The following CWC15 variants were observed in gnomAD, a reference collection of about 807,000 sequenced individuals.
CWC15 encodes the protein CWC15 spliceosome associated protein, also known as spliceosome-associated protein CWC15 homolog.
CWC15 carries 12 observed loss-of-function variants against 28.4 expected under a neutral mutation model. The observed-to-expected ratio is 0.42, with a 90% confidence interval of 0.27 to 0.69. The LOEUF is 0.69. Ranked by LOEUF, CWC15 falls within the 30% of genes least tolerant of loss-of-function variation. The probability of loss-of-function intolerance (pLI) is 0.23; values close to 1 mark genes in which losing one functional copy is unlikely to be tolerated. For missense variants in CWC15, 192 were observed against 271.5 expected, an observed-to-expected ratio of 0.71 and a Z score of 2.06; for synonymous variants, 92 against 88.4, an observed-to-expected ratio of 1.04 and a Z score of -0.23.
intron 5 of CWC15, among the ~76,000 whole-genome samples, chr11:94,967,558 A>G (rs1483874168): frequency 1.3e-5 from 2 of 152,258 alleles, no homozygotes; most frequent in African/African-American, 4.8e-5. Context: ...ACAGAAATTG[A>G]TGACTTAATA....
chr11:94,966,677 A>C (rs1590957911), intron 5 of CWC15, among the ~76,000 whole-genome samples: 1 of 152,054 alleles, frequency 6.6e-6, no homozygotes, highest in South Asian at 2.1e-4. Flanking sequence ...CCAACTGTGA[A>C]ATGCTACAGA....
intron 5 of CWC15, 106 bp from the exon 6 acceptor site, chr11:94,966,519 T>C (rs1156629746): frequency 3.1e-6 from 2 of 650,504 alleles, no homozygotes; most frequent in Non-Finnish European, 4.8e-6. Flanking sequence ...ATTAGGATTT[T>C]ATGGCAACAA....
intron 2 of CWC15, 116 bp from the exon 3 acceptor site, chr11:94,971,603 AAAG>A: frequency 1.6e-6 from 1 of 627,736 alleles, no homozygotes; most frequent in Non-Finnish European, 2.7e-6. Flanking sequence ...CAAGCAGAAA[AAAG>A]GGAAGTAGAC....
chr11:94,969,864 T>G, intron 5 of CWC15, 125 bp downstream of exon 5: 1 of 481,854 alleles, frequency 2.1e-6, no homozygotes, highest in Non-Finnish European at 3.6e-6. Context: ...GATCTACAAG[T>G]GCTATAATAT....
rs7930127 is a variant in CWC15 at position 94,970,264 on chromosome 11, A to G, written c.334-168T>C. ...TCAAAAGTGCAAAAAAGTGTGCTAA[A>G]TTCTCAGAAGAAAATAATTTCAAAT... is the stretch of plus-strand genomic sequence containing the variant. On this transcript the variant is annotated intron_variant, in intron 4 of 6. Transcript: ENST00000279839. 7.9e-3 allele frequency: 3,282 copies of G among 413,150 alleles called. 90 individuals are homozygous for G. The highest frequency in any genetic ancestry group is 0.06 in the African/African-American group (2,948 of 48,736). 25.6% of individuals were successfully genotyped at this position (413,150 alleles called of 1,614,324 possible).
intron 1 of CWC15, among the ~76,000 whole-genome samples, chr11:94,972,712 G>A (rs776072241): frequency 6.6e-6 from 1 of 152,142 alleles, no homozygotes; most frequent in African/African-American, 2.4e-5. Flanking sequence ...CACTGACAAA[G>A]TTACTAAATG....
At chr11:94,971,861 T>C (rs1281032657) in intron 2 of CWC15, among the ~76,000 whole-genome samples, 194 bp downstream of exon 2, 2 of 152,244 alleles carry the variant, frequency 1.3e-5, no homozygotes, top group Non-Finnish European at 2.9e-5. Context: ...TCTATCTACA[T>C]ATGAAAATTC....
intron 1 of CWC15, among the ~76,000 whole-genome samples, chr11:94,972,840 T>C (rs1857743179): frequency 6.6e-6 from 1 of 152,180 alleles, no homozygotes; most frequent in Non-Finnish European, 1.5e-5. Flanking sequence ...TTAGATCGTT[T>C]GTGGGTTATA....
At chr11:94,964,893 G>C (rs1857616743) in intron 6 of CWC15, among the ~76,000 whole-genome samples, 1 of 152,210 alleles carries the variant, frequency 6.6e-6, no homozygotes, top group South Asian at 2.1e-4. Flanking sequence ...CCCTTCCCTA[G>C]GTGACTTCAT....
chr11:94,967,458 C>G (rs1857661930), intron 5 of CWC15, among the ~76,000 whole-genome samples: 1 of 152,170 alleles, frequency 6.6e-6, no homozygotes, highest in Non-Finnish European at 1.5e-5. Context: ...TATAAAATGT[C>G]TAAAATCCTT....
intron 6 of CWC15, 69 bp downstream of exon 6, chr11:94,966,226 T>TGTAC: frequency 1.5e-6 from 1 of 669,472 alleles, no homozygotes; most frequent in Non-Finnish European, 2.6e-6. Flanking sequence ...CATACACATA[T>TGTAC]ACACACACAC....
chr11:94,970,735 T>C (rs1189347431), intron 4 of CWC15: 7 of 491,546 alleles, frequency 1.4e-5, no homozygotes, highest in Admixed American at 1.3e-4. Context: ...GGAAAGCATA[T>C]CCTTTTATAG....
chr11:94,966,458 G>A, intron 5 of CWC15, 45 bp from the exon 6 acceptor site: 1 of 1,314,266 alleles, frequency 7.6e-7, no homozygotes, highest in Non-Finnish European at 1.0e-6. Context: ...TTTTAACTCT[G>A]GGTTCAATTT....
intron 3 of CWC15, 92 bp downstream of exon 3, chr11:94,971,283 A>C: frequency 3.6e-6 from 4 of 1,120,922 alleles, no homozygotes; most frequent in Non-Finnish European, 5.3e-6. Context: ...CTGTAAAAGT[A>C]AACAAATGGT....
Position 94,970,991 on chromosome 11 carries a change from C to A in CWC15, c.319G>T (p.Asp107Tyr). The A allele has an allele frequency of 6.2e-7, 1 of 1,612,520 alleles. No homozygotes were observed. Among genetic ancestry groups the A allele is most frequent in the South Asian group, 1.1e-5 (1 of 91,054 alleles). The change falls in exon 4 of 7, where the codon GAC (aspartate) becomes TAC (tyrosine). Residue 107 changes from aspartate to tyrosine, a missense_variant. Asp to Tyr is a radical substitution (Grantham distance 160, BLOSUM62 -3). Coordinates refer to ENST00000279839, the MANE Select transcript of CWC15 (RefSeq NM_016403.4). ...ACAAAACATACATCTGTTAGAGGGT[C>A]ATCTGCATCAAGGTTGGCGGCAGGA... ...QIPAANLDADDPLTDEEDEDF... is the reference protein window; with the variant it reads ...QIPAANLDADYPLTDEEDEDF...
At chr11:94,963,577 A>C in intron 6 of CWC15, 63 bp from the exon 7 acceptor site, 2 of 1,434,750 alleles carry the variant, frequency 1.4e-6, no homozygotes, top group Non-Finnish European at 1.9e-6. Context: ...AGAATACTAC[A>C]TGCACTGCAA....
chr11:94,968,428 G>A (rs1454252443), intron 5 of CWC15, among the ~76,000 whole-genome samples: 2 of 152,198 alleles, frequency 1.3e-5, no homozygotes, highest in Admixed American at 6.5e-5. Flanking sequence ...GATATTAGAT[G>A]AAACTCACAA....
chr11:94,969,248 T>C (rs993626881), intron 5 of CWC15, among the ~76,000 whole-genome samples: 1 of 152,214 alleles, frequency 6.6e-6, no homozygotes, highest in Admixed American at 6.5e-5. Flanking sequence ...AAGAGTCTCT[T>C]AATTGGGAGG....
At chr11:94,966,793 A>T (rs1381904254) in intron 5 of CWC15, among the ~76,000 whole-genome samples, 1 of 152,086 alleles carries the variant, frequency 6.6e-6, no homozygotes, top group Non-Finnish European at 1.5e-5. Flanking sequence ...GAACATATTG[A>T]ATATCAAAAA....
Sources: allele counts gnomAD v4.1 joint callset (sites outside exome capture counted in the v4.1 genomes callset), GRCh38; gene constraint gnomAD v4.1.1; transcripts MANE v1.5; gene names NCBI Gene and HGNC (gene_info 2026-07-23, HGNC 2026-07-21).